The following C10orf71 variants were observed in gnomAD, a reference collection of about 807,000 sequenced individuals.
C10orf71 encodes the protein chromosome 10 open reading frame 71.
For synonymous variants in C10orf71, 758 were observed against 726.3 expected, an observed-to-expected ratio of 1.04 and a Z score of -0.70; for missense variants, 1,869 against 1,804.5, an observed-to-expected ratio of 1.04 and a Z score of -0.65.
At position 49,326,564 on chromosome 10, in the gene C10orf71, C is replaced by A. The variant is rs774042522; in HGVS notation, c.4019C>A (p.Pro1340Gln). Residue 1340 changes from proline to glutamine, a missense_variant, in exon 3 of 3, where the codon CCA (proline) becomes CAA (glutamine). By Grantham distance (76) the Pro-to-Gln change is moderately conservative. Transcript: ENST00000374144. Reference protein sequence around the residue: ...APYVLYPGFQPVPVTALMPLR... With the variant: ...APYVLYPGFQQVPVTALMPLR... ...TATGTGCTGTACCCCGGCTTCCAGC[C>A]AGTGCCCGTGACGGCCTTGATGCCG... 1 of 1,550,774 alleles carries A rather than the reference C, an allele frequency of 6.4e-7. No individual in the cohort carries two copies. Among genetic ancestry groups the A allele is most frequent in the South Asian group, 1.2e-5 (1 of 84,058 alleles).
intron 1 of C10orf71, among the ~76,000 whole-genome samples, chr10:49,310,413 G>A (rs1263465777): frequency 6.6e-6 from 1 of 152,194 alleles, no homozygotes; most frequent in Non-Finnish European, 1.5e-5. Flanking sequence ...TGAATCCACA[G>A]GCCAGAGGTT....
chr10:49,324,846 G>C lies in C10orf71; in HGVS notation c.2301G>C (p.Lys767Asn). The change falls in exon 3 of 3, where the codon AAG (lysine) becomes AAC (asparagine). Residue 767 changes from lysine (K) to asparagine (N), a missense_variant. Coordinates refer to ENST00000374144, the MANE Select transcript of C10orf71 (RefSeq NM_001135196.2). Reference protein sequence around the residue: ...RKDVSAGDSQKDEKENVMRKD... With the variant: ...RKDVSAGDSQNDEKENVMRKD... ...ATGTGAGTGCAGGTGACAGTCAGAAGGATGAGAAGGAGAATGTGATGCGGA... is the reference window on the plus strand; with the variant it reads ...ATGTGAGTGCAGGTGACAGTCAGAACGATGAGAAGGAGAATGTGATGCGGA... The C allele has an allele frequency of 6.4e-7, 1 of 1,551,938 alleles. No individual in the cohort carries two copies. The highest frequency in any genetic ancestry group is 8.7e-7 in the Non-Finnish European group (1 of 1,147,052).
At chr10:49,303,625 G>A (rs186187973) in intron 1 of C10orf71, among the ~76,000 whole-genome samples, 12 of 152,320 alleles carry the variant, frequency 7.9e-5, no homozygotes, top group East Asian at 1.9e-4. Flanking sequence ...AGGGGCTGGC[G>A]CTGTTCTCAG....
In C10orf71 at chr10:49,326,289, C is replaced by T; in HGVS notation, c.3744C>T (p.Ser1248=). The change falls in exon 3 of 3, where the codon TCC becomes TCT. Residue 1248 remains serine, a synonymous_variant. Transcript: ENST00000374144. ...CTCCCGTGCACCGCCACTCCGTGTC[C>T]GGCTTCTCGGAGCCTGTCGGGAGGC... The part of the protein sequence containing the change: ...LPPPVHRHSV[S]GFSEPVGRRP... The T allele has an allele frequency of 6.5e-7, 1 of 1,549,938 alleles. No homozygotes were observed. Among genetic ancestry groups the T allele is most frequent in the Non-Finnish European group, 8.7e-7 (1 of 1,146,612 alleles).
rs766482465 is a variant in C10orf71 at position 49,324,098 on chromosome 10, C to G, written c.1553C>G (p.Pro518Arg). The G allele has an allele frequency of 9.9e-6, 16 of 1,613,964 alleles. No individual in the cohort carries two copies. Among genetic ancestry groups the G allele is most frequent in the Non-Finnish European group, 1.3e-5 (15 of 1,179,892 alleles). ...GTTAAGAGCACATACAGTTCCTCACCTCTCTTGAAAGTGCTTGATGAGAAA... is the reference window on the plus strand; with the variant it reads ...GTTAAGAGCACATACAGTTCCTCACGTCTCTTGAAAGTGCTTGATGAGAAA... ...KRVKSTYSSS[P>R]LLKVLDEKTR... Residue 518 changes from proline to arginine, a missense_variant, in exon 3 of 3, where the codon CCT (proline) becomes CGT (arginine). Pro to Arg is a moderately radical substitution (Grantham distance 103). Coordinates refer to ENST00000374144, the MANE Select transcript of C10orf71 (RefSeq NM_001135196.2).
At position 49,325,061 on chromosome 10, in the gene C10orf71, A is replaced by G; in HGVS notation, c.2516A>G (p.Lys839Arg). Residue 839 changes from lysine (K) to arginine (R), a missense_variant, in exon 3 of 3, where the codon AAA (lysine) becomes AGA (arginine). Lys to Arg is a conservative substitution (Grantham distance 26). Transcript: ENST00000374144. ...ENKGTTFSQA[K>R]DLTPSPSSAS... ...AAGGGCACAACCTTTTCACAGGCCAAAGACCTTACTCCCTCACCATCTTCT... is the reference window on the plus strand; with the variant it reads ...AAGGGCACAACCTTTTCACAGGCCAGAGACCTTACTCCCTCACCATCTTCT... 6.4e-7 allele frequency: 1 copy of G among 1,551,840 alleles called. No individual in the cohort carries two copies. The highest frequency in any genetic ancestry group is 8.7e-7 in the Non-Finnish European group (1 of 1,147,044).
chr10:49,318,242 T>C (rs1849032528), intron 2 of C10orf71, among the ~76,000 whole-genome samples: 1 of 152,204 alleles, frequency 6.6e-6, no homozygotes, highest in South Asian at 2.1e-4. Context: ...GCTGCTTCCA[T>C]CCCTGTGACC....
intron 1 of C10orf71, among the ~76,000 whole-genome samples, chr10:49,302,238 T>G (rs2889803): frequency 0.97 from 146,983 of 152,268 alleles, 71,168 homozygotes; most frequent in East Asian, 1. Flanking sequence ...TGAGGGCCAG[T>G]TCATGCCAGG....
At chr10:49,318,319 G>A (rs1239914934) in intron 2 of C10orf71, among the ~76,000 whole-genome samples, 1 of 152,208 alleles carries the variant, frequency 6.6e-6, no homozygotes, top group Non-Finnish European at 1.5e-5. Context: ...GTCTTCTACT[G>A]GGGAAGGCGT....
rs1217336982 is a variant in C10orf71 at position 49,325,793 on chromosome 10, C to T, written c.3248C>T (p.Pro1083Leu). Residue 1083 changes from proline to leucine, a missense_variant, in exon 3 of 3, where the codon CCT becomes CTT. Coordinates refer to ENST00000374144, the MANE Select transcript of C10orf71 (RefSeq NM_001135196.2). ...SNIWEESSQA[P>L]GGPELLPEEP... ...ATTTGGGAGGAGTCTTCCCAGGCCC[C>T]TGGAGGACCAGAGCTGCTTCCCGAG... The T allele has an allele frequency of 5.8e-6, 9 of 1,551,504 alleles. No homozygotes were observed. The highest frequency in any genetic ancestry group is 1.4e-5 in the African/African-American group (1 of 73,180).
Position 49,323,155 on chromosome 10 carries a change from A to G in C10orf71, c.610A>G (p.Asn204Asp), listed in dbSNP as rs750862825. ...CAGGAGGGTGCCCGCTGAAGTTTCC[A>G]ACACCCATCAGAACAGCTACCAGCC... ...TVRRVPAEVS[N>D]THQNSYQPGR... The change falls in exon 3 of 3, where the codon AAC becomes GAC. Residue 204 changes from asparagine to aspartate, a missense_variant. Transcript: ENST00000374144. The G allele has an allele frequency of 8.1e-6, 13 of 1,613,798 alleles. No homozygotes were observed. Among genetic ancestry groups the G allele is most frequent in the Non-Finnish European group, 9.3e-6 (11 of 1,179,886 alleles).
At chr10:49,308,359 C>A (rs778378858) in intron 1 of C10orf71, among the ~76,000 whole-genome samples, 11 of 152,238 alleles carry the variant, frequency 7.2e-5, no homozygotes, top group East Asian at 3.8e-4. Context: ...CAAACTTGTT[C>A]TCTCCCAGGG....
chr10:49,326,022 T>G lies in C10orf71; in HGVS notation c.3477T>G (p.Leu1159=). 4 of 1,551,620 alleles carry G rather than the reference T, an allele frequency of 2.6e-6. No individual in the cohort carries two copies. Among genetic ancestry groups the G allele is most frequent in the Non-Finnish European group, 3.5e-6 (4 of 1,146,978 alleles). ...CAGGCACCTCTGGGAGACTTGAGCT[T>G]CCTGCACAGCTAGAGAGGACAGCAA... is the stretch of plus-strand genomic sequence containing the variant. ...SPAGTSGRLE[L]PAQLERTASK... Residue 1159 remains leucine (L), a synonymous_variant, in exon 3 of 3, where the codon CTT becomes CTG. Transcript: ENST00000374144.
At chr10:49,315,918 T>C (rs1848992417) in intron 1 of C10orf71, among the ~76,000 whole-genome samples, 1 of 152,156 alleles carries the variant, frequency 6.6e-6, no homozygotes. Context: ...TAGCTGGGCA[T>C]AGTGGTGCAC....
At position 49,325,606 on chromosome 10, in the gene C10orf71, G is replaced by A. The variant is rs563008657; in HGVS notation, c.3061G>A (p.Glu1021Lys). 2.4e-4 allele frequency: 368 copies of A among 1,552,040 alleles called. 2 individuals are homozygous for A. In the South Asian group the frequency reaches 3.7e-3, roughly 16 times the overall value. The change falls in exon 3 of 3, where the codon GAA becomes AAA. Residue 1021 changes from glutamate (E) to lysine (K), a missense_variant. By Grantham distance (56) the Glu-to-Lys change is moderately conservative. Transcript: ENST00000374144. ...AGACCAGCCACCCCCATGGCAGCCC[G>A]AAAACTGTTGGGAAGAGCAAACACC... Reference protein sequence around the residue: ...IEDQPPPWQPENCWEEQTPGF... With the variant: ...IEDQPPPWQPKNCWEEQTPGF...
rs1293571785 is a variant in C10orf71 at position 49,327,444 on chromosome 10, A to C, written c.*591A>C. 3 of 172,410 alleles carry C rather than the reference A, an allele frequency of 1.7e-5. No homozygotes were observed. The highest frequency in any genetic ancestry group is 7.2e-5 in the African/African-American group (3 of 41,500). 10.7% of individuals were successfully genotyped at this position (172,410 alleles called of 1,614,324 possible). ...CTGAAAGCTATTTTCTGATCAAGAA[A>C]AGGCCCACTTTTTAAAAAGTGAAAC... On this transcript the variant is annotated 3_prime_UTR_variant, in exon 3 of 3. Transcript: ENST00000374144.
rs1038417437 is a variant in C10orf71, at chr10:49,310,818, T to A, written c.-247-5327T>A. 1.4e-4 allele frequency among the ~76,000 whole-genome samples: 22 copies of A among 152,132 alleles called. 1 individual carries two copies. Among genetic ancestry groups the A allele is most frequent in the South Asian group, 6.2e-4 (3 of 4,818 alleles). Reference sequence around the variant, plus strand: ...ATGATGATGGTGATGATGATGATGATGAAGAAGAAGAAGAGGAGGAAGTCG... The same window carrying A: ...ATGATGATGGTGATGATGATGATGAAGAAGAAGAAGAAGAGGAGGAAGTCG... On this transcript the variant is annotated intron_variant, in intron 1 of 2. Coordinates refer to ENST00000374144, the MANE Select transcript of C10orf71 (RefSeq NM_001135196.2).
chr10:49,300,284 G>T (rs7900538), intron 1 of C10orf71, among the ~76,000 whole-genome samples: 21,624 of 152,038 alleles, frequency 0.14, 1,795 homozygotes, highest in South Asian at 0.23. Context: ...AAATAAAGTT[G>T]TATTGGCACA....
At position 49,325,063 on chromosome 10, in the gene C10orf71, G is replaced by C. The variant is rs1305383944; in HGVS notation, c.2518G>C (p.Asp840His). The stretch of plus-strand genomic sequence containing the variant: ...GGGCACAACCTTTTCACAGGCCAAA[G>C]ACCTTACTCCCTCACCATCTTCTGC... ...NKGTTFSQAK[D>H]LTPSPSSASN... Residue 840 changes from aspartate to histidine, a missense_variant, in exon 3 of 3, where the codon GAC (aspartate) becomes CAC (histidine). By Grantham distance (81) the Asp-to-His change is moderately conservative. Coordinates refer to ENST00000374144, the MANE Select transcript of C10orf71 (RefSeq NM_001135196.2). 3.2e-6 allele frequency: 5 copies of C among 1,551,726 alleles called. No individual in the cohort carries two copies. Among genetic ancestry groups the C allele is most frequent in the African/African-American group, 1.4e-5 (1 of 73,044 alleles).
Sources: gnomAD v4.1 joint callset for allele counts (sites outside exome capture counted in the v4.1 genomes callset) on GRCh38, gnomAD v4.1.1 for gene constraint, MANE v1.5 for transcripts, NCBI Gene and HGNC (gene_info 2026-07-23, HGNC 2026-07-21) for gene names.